Variants in PRMT8 observed in about 807,000 individuals in gnomAD.
The protein encoded by PRMT8 is protein arginine methyltransferase 8.
PRMT8 carries 7 observed loss-of-function variants against 47.1 expected under a neutral mutation model. The ratio of observed to expected loss-of-function variants is 0.15; its 90% CI spans 0.08 to 0.28. PRMT8 has a LOEUF of 0.28. PRMT8 is among the 10% of genes least tolerant of loss of function. The pLI is 1.00. For synonymous variants in PRMT8, 188 were observed against 186.5 expected (o/e 1.01, Z -0.07); for missense variants, 237 against 505.4 (o/e 0.47, Z 5.09).
chr12:3,384,554 G>A (rs1864122160), intron 1 of PRMT8, among the ~76,000 whole-genome samples: 1 of 152,186 alleles, frequency 6.6e-6, no homozygotes, highest in Non-Finnish European at 1.5e-5. Context: ...AGGGCTCTGG[G>A]TGTTCTCTGT....
intron 1 of PRMT8, among the ~76,000 whole-genome samples, chr12:3,447,187 A>G (rs1471743528): frequency 6.6e-6 from 1 of 152,162 alleles, no homozygotes; most frequent in Non-Finnish European, 1.5e-5. Flanking sequence ...TTTTATCGAG[A>G]TTCAAGAGCA....
At chr12:3,386,299 T>G (rs551990395) in intron 1 of PRMT8, among the ~76,000 whole-genome samples, 15 of 152,198 alleles carry the variant, frequency 9.9e-5, no homozygotes, top group Non-Finnish European at 2.1e-4. Context: ...TGAGAATAGG[T>G]TTACCTAGGT....
Position 3,535,239 on chromosome 12 carries a change from C to T in PRMT8, c.76-5367C>T, listed in dbSNP as rs1329789837. On this transcript the variant is annotated intron_variant, in intron 1 of 9. Transcript: ENST00000382622. The surrounding 1 kb of genome is among the most constrained non-coding windows in gnomAD (Gnocchi z 4.7). ...CAGCTCTGCTGCGTCCATAACCTTT[C>T]ATCTCTGCATTTAGTGGGCCCGAGG... Among the ~76,000 whole-genome samples, 1 of 152,230 alleles carries T rather than the reference C, an allele frequency of 6.6e-6. No individual in the cohort carries two copies. Among genetic ancestry groups the T allele is most frequent in the Non-Finnish European group, 1.5e-5 (1 of 68,040 alleles).
In PRMT8 at chr12:3,572,466, G is replaced by T. The variant is rs1266213680; in HGVS notation, c.712+2902G>T. 6.6e-6 allele frequency among the ~76,000 whole-genome samples: 1 copy of T among 152,186 alleles called. No individual in the cohort carries two copies. Among genetic ancestry groups the T allele is most frequent in the African/African-American group, 2.4e-5 (1 of 41,444 alleles). Reference sequence around the variant, plus strand: ...TCTACACCCTGCTGAGAATGAGAGAGATGGGCACCAGTTTCTTGGCTGATG... The same window carrying T: ...TCTACACCCTGCTGAGAATGAGAGATATGGGCACCAGTTTCTTGGCTGATG... On this transcript the variant is annotated intron_variant, in intron 6 of 9. Transcript: ENST00000382622. The surrounding 1 kb of genome is among the most constrained non-coding windows in gnomAD (Gnocchi z 5.9).
At chr12:3,592,996 C>A in intron 9 of PRMT8, 103 bp from the exon 10 acceptor site, 1 of 865,520 alleles carries the variant, frequency 1.2e-6, no homozygotes, top group Non-Finnish European at 1.9e-6. Flanking sequence ...GACGCTGGTG[C>A]TACCCATCCC....
chr12:3,514,805 T>C lies in PRMT8; in HGVS notation c.75+23105T>C, dbSNP rs1001741527. On this transcript the variant is annotated intron_variant, in intron 1 of 9. Transcript: ENST00000382622. This position sits in a 1 kb window ranked among gnomAD's most constrained non-coding sequence, Gnocchi z 5.9. ...CTGCTCTTTCCCCGACCTGAAACTT[T>C]CGTGTAGCAGACCCCATACTCCTTC... Among the ~76,000 whole-genome samples the C allele has an allele frequency of 2.0e-5, 3 of 152,122 alleles. No individual in the cohort carries two copies. Among genetic ancestry groups the C allele is most frequent in the Non-Finnish European group, 2.9e-5 (2 of 68,020 alleles).
At chr12:3,385,874 T>C (rs1441049131) in intron 1 of PRMT8, among the ~76,000 whole-genome samples, 1 of 152,122 alleles carries the variant, frequency 6.6e-6, no homozygotes, top group Non-Finnish European at 1.5e-5. Flanking sequence ...CATTTGTAGC[T>C]ATTCATGACT....
At position 3,580,337 on chromosome 12, in the gene PRMT8, C is replaced by CGCGTGT. The variant is rs1555097877; in HGVS notation, c.829-2720_829-2719insCGTGTG. ...TCCTGCCAGATGGGGGGTGCGTGTG[C>CGCGTGT]GTGTGTGTGTGTGTGTGTGTGTGTG... On this transcript the variant is annotated intron_variant, in intron 7 of 9. Coordinates refer to ENST00000382622, the MANE Select transcript of PRMT8 (RefSeq NM_019854.5). The surrounding 1 kb of genome is among the most constrained non-coding windows in gnomAD (Gnocchi z 4.6). 1.4e-5 allele frequency among the ~76,000 whole-genome samples: 2 copies of CGCGTGT among 145,538 alleles called. No homozygotes were observed. The highest frequency in any genetic ancestry group is 5.1e-5 in the African/African-American group (2 of 39,520).
chr12:3,587,546 C>CA (rs1867207057), intron 8 of PRMT8, among the ~76,000 whole-genome samples: 5 of 152,086 alleles, frequency 3.3e-5, no homozygotes, highest in African/African-American at 1.2e-4. Flanking sequence ...TGAAATGCTG[C>CA]CAACACCTCT....
At chr12:3,443,746 C>A (rs543331237) in intron 1 of PRMT8, among the ~76,000 whole-genome samples, 1 of 152,340 alleles carries the variant, frequency 6.6e-6, no homozygotes, top group East Asian at 1.9e-4. Flanking sequence ...GAAATTGAGA[C>A]CCCTCTCCCT....
At position 3,491,714 on chromosome 12, in the gene PRMT8, C is replaced by A; in HGVS notation, c.75+14C>A. On this transcript the variant is annotated intron_variant, in intron 1 of 9. Coordinates refer to ENST00000382622, the MANE Select transcript of PRMT8 (RefSeq NM_019854.5). ...GAGAGCACCGAGGTAAGGAGGCGAG[C>A]GAGCAGGGGCTCTCGGAGACCCCGC... The A allele has an allele frequency of 6.2e-7, 1 of 1,602,628 alleles. No individual in the cohort carries two copies. The highest frequency in any genetic ancestry group is 8.5e-7 in the Non-Finnish European group (1 of 1,177,526).
chr12:3,413,927 G>A (rs915157116), intron 1 of PRMT8, among the ~76,000 whole-genome samples: 3 of 152,098 alleles, frequency 2.0e-5, no homozygotes, highest in Non-Finnish European at 4.4e-5. Context: ...TAAGGGACTT[G>A]AACAACGACA....
chr12:3,423,433 T>G (rs1169926077), intron 1 of PRMT8, among the ~76,000 whole-genome samples: 3 of 152,224 alleles, frequency 2.0e-5, no homozygotes, highest in African/African-American at 7.2e-5. Context: ...CCATGAGCCA[T>G]CTTGTGCTCA....
At chr12:3,388,420 T>C (rs1383818920) in intron 1 of PRMT8, among the ~76,000 whole-genome samples, 2 of 152,184 alleles carry the variant, frequency 1.3e-5, no homozygotes, top group African/African-American at 2.4e-5. Context: ...GCTAAGGCAG[T>C]GTTTGCCAGG....
chr12:3,584,943 C>G (rs111624141), intron 8 of PRMT8, among the ~76,000 whole-genome samples: 1 of 152,278 alleles, frequency 6.6e-6, no homozygotes, highest in East Asian at 1.9e-4. Flanking sequence ...TATTTAACAA[C>G]GTTATCTTGG....
In PRMT8 at chr12:3,586,683, C is replaced by T. The variant is rs1867182284; in HGVS notation, c.979+3475C>T. Among the ~76,000 whole-genome samples the T allele has an allele frequency of 2.0e-5, 3 of 152,148 alleles. No individual in the cohort carries two copies. The South Asian group carries it at 6.2e-4, about 32-fold the overall frequency. ...CCAGCCGTCTGTGTCTTAACAAGACCTCCAGGTGATTGCGATGCATGCTCC... is the reference window on the plus strand; with the variant it reads ...CCAGCCGTCTGTGTCTTAACAAGACTTCCAGGTGATTGCGATGCATGCTCC... On this transcript the variant is annotated intron_variant, in intron 8 of 9. Transcript: ENST00000382622.
intron 1 of PRMT8, among the ~76,000 whole-genome samples, chr12:3,498,103 CCTT>C (rs1218170928): frequency 2.0e-5 from 3 of 152,198 alleles, no homozygotes; most frequent in Admixed American, 6.5e-5. Flanking sequence ...AGAGCTCTGA[CCTT>C]CTTGTAGAAC....
chr12:3,553,400 G>C, intron 3 of PRMT8: 2 of 581,448 alleles, frequency 3.4e-6, no homozygotes, highest in South Asian at 4.1e-5. Context: ...CCAGCACAGA[G>C]ATCAATCCCT....
At chr12:3,579,637 C>G (rs1389907223) in intron 7 of PRMT8, among the ~76,000 whole-genome samples, 1 of 152,190 alleles carries the variant, frequency 6.6e-6, no homozygotes, top group Non-Finnish European at 1.5e-5. Context: ...CTTCCGCCAG[C>G]TCTCTCCTGC....
Sources: allele counts gnomAD v4.1 joint callset (sites outside exome capture counted in the v4.1 genomes callset), GRCh38; gene constraint gnomAD v4.1.1; non-coding constraint Gnocchi (gnomAD v3.1); transcripts MANE v1.5; gene names NCBI Gene and HGNC (gene_info 2026-07-23, HGNC 2026-07-21).